The following KDM4C variants were observed in gnomAD, a reference collection of about 807,000 sequenced individuals.
KDM4C encodes the protein lysine demethylase 4C.
In KDM4C, 81 loss-of-function variants were observed where a neutral mutation model predicts 129.3. The ratio of observed to expected loss-of-function variants is 0.63; its 90% CI spans 0.52 to 0.75. The LOEUF is 0.75. KDM4C is among the 30% of genes least tolerant of loss of function. The probability of loss-of-function intolerance (pLI) is 0.00; values close to 1 mark genes in which losing one functional copy is unlikely to be tolerated. For synonymous variants in KDM4C, 573 were observed against 456.1 expected (o/e 1.26, Z -3.26); for missense variants, 1,457 against 1,304.0 (o/e 1.12, Z -1.81).
chr9:7,113,260 C>G (rs1303334000), intron 18 of KDM4C, among the ~76,000 whole-genome samples: 4 of 152,196 alleles, frequency 2.6e-5, no homozygotes, highest in African/African-American at 9.6e-5. Flanking sequence ...TTGTTGAGCT[C>G]TCTCTCCACT....
intron 12 of KDM4C, among the ~76,000 whole-genome samples, chr9:7,000,373 T>C (rs1218221962): frequency 6.6e-6 from 1 of 152,238 alleles, no homozygotes. Flanking sequence ...TTGAAACTTT[T>C]CTAAACAATG....
intron 8 of KDM4C, chr9:6,924,600 T>C (rs978165967): frequency 2.1e-5 from 5 of 239,392 alleles, no homozygotes; most frequent in African/African-American, 1.2e-4. Flanking sequence ...CTGGTTTTTC[T>C]GTACCTTGCC....
At chr9:7,082,896 T>C (rs1587525799) in intron 17 of KDM4C, among the ~76,000 whole-genome samples, 2 of 152,222 alleles carry the variant, frequency 1.3e-5, no homozygotes, top group East Asian at 1.9e-4. Flanking sequence ...TGATAAAATA[T>C]AGTACCAAAC....
chr9:7,019,767 A>AATATTTTTATATATATAAATATT (rs1824424116), intron 15 of KDM4C, among the ~76,000 whole-genome samples: 1 of 122,850 alleles, frequency 8.1e-6, no homozygotes, highest in South Asian at 2.3e-4. Flanking sequence ...ATAAAAATAT[A>AATATTTTTATATATATAAATATT]ATATTTTTAT....
intron 19 of KDM4C, among the ~76,000 whole-genome samples, chr9:7,145,377 G>A (rs1345756537): frequency 6.6e-6 from 1 of 152,182 alleles, no homozygotes; most frequent in East Asian, 1.9e-4. Context: ...ATGGCTGGAA[G>A]TTCTGAGTCG....
intron 9 of KDM4C, among the ~76,000 whole-genome samples, chr9:6,983,348 T>C (rs1817095886): frequency 6.6e-6 from 1 of 152,188 alleles, no homozygotes; most frequent in African/African-American, 2.4e-5. Context: ...AAAGCATATA[T>C]GCCAAAGCTA....
chr9:6,850,801 C>T (rs1029397306), intron 5 of KDM4C, among the ~76,000 whole-genome samples: 4 of 152,132 alleles, frequency 2.6e-5, no homozygotes, highest in Admixed American at 1.3e-4. Flanking sequence ...GTTGCCCAGG[C>T]TGGAGTGCAG....
rs192034301 is a variant in KDM4C, at chr9:6,794,273, C to T, written c.144+1141C>T. ...GCATCTTAGAATGATGAAATAAGGA[C>T]ATTTAAGCACAGATCCAAAGGATAA... On this transcript the variant is annotated intron_variant, in intron 2 of 21. Transcript: ENST00000381309. Among the ~76,000 whole-genome samples, 290 of 152,310 alleles carry T rather than the reference C, an allele frequency of 1.9e-3. 1 individual carries two copies. The highest frequency in any genetic ancestry group is 2.5e-3 in the Non-Finnish European group (168 of 68,028).
At chr9:6,769,897 TA>T (rs1163781718) in intron 1 of KDM4C, among the ~76,000 whole-genome samples, 1 of 152,130 alleles carries the variant, frequency 6.6e-6, no homozygotes. Flanking sequence ...AACCATGTGT[TA>T]CGCCATGCCC....
At chr9:6,752,281 C>T (rs866946077) in intron 1 of KDM4C, among the ~76,000 whole-genome samples, 17 of 116,058 alleles carry the variant, frequency 1.5e-4, no homozygotes, top group South Asian at 3.2e-4. Flanking sequence ...TGCAGTGAGT[C>T]GAGATCGCGC....
chr9:6,800,093 C>T (rs1828649149), intron 2 of KDM4C, among the ~76,000 whole-genome samples: 1 of 152,056 alleles, frequency 6.6e-6, no homozygotes, highest in Admixed American at 6.6e-5. Flanking sequence ...AAAGGCCAGG[C>T]ACAGTGACTC....
intron 20 of KDM4C, among the ~76,000 whole-genome samples, chr9:7,168,975 G>A (rs1844679148): frequency 6.6e-6 from 1 of 150,468 alleles, no homozygotes; most frequent in Admixed American, 6.6e-5. Flanking sequence ...AGCCTGGGAG[G>A]TTGAGGTTGC....
Position 6,736,744 on chromosome 9 carries a change from A to G in KDM4C, c.49+15747A>G, listed in dbSNP as rs552419038. On this transcript the variant is annotated intron_variant, in intron 1 of 17. Coordinates refer to the KDM4C transcript ENST00000536108. ...AACTTCAGCAAAGTTTTAGGATACA[A>G]AATCAGTATACAGAAATCAGTATCC... Among the ~76,000 whole-genome samples the G allele has an allele frequency of 4.6e-4, 70 of 152,280 alleles. 1 individual carries two copies. Among genetic ancestry groups the G allele is most frequent in the African/African-American group, 1.5e-3 (64 of 41,568 alleles).
At chr9:6,819,175 A>T (rs1197811177) in intron 4 of KDM4C, 2 of 152,220 alleles carry the variant, frequency 1.3e-5, no homozygotes, top group Non-Finnish European at 2.9e-5. Context: ...CATTTTCAGA[A>T]AAATTGATAC....
chr9:6,986,893 T>TG, intron 11 of KDM4C: 1 of 440,480 alleles, frequency 2.3e-6, no homozygotes, highest in Non-Finnish European at 4.0e-6. Flanking sequence ...TGTCGATGCT[T>TG]GATTTTCTTT....
chr9:6,744,616 G>C (rs1242747763), intron 1 of KDM4C, among the ~76,000 whole-genome samples: 1 of 152,156 alleles, frequency 6.6e-6, no homozygotes, highest in Non-Finnish European at 1.5e-5. Context: ...GATTGGTCTT[G>C]AATTCCTGGC....
chr9:6,734,904 C>T (rs180771534), intron 1 of KDM4C: 39 of 568,768 alleles, frequency 6.9e-5, no homozygotes, highest in Non-Finnish European at 7.0e-6. Flanking sequence ...AGGTAGTCCC[C>T]AGTCTGTGCT....
At chr9:6,798,062 A>G (rs148747796) in intron 2 of KDM4C, among the ~76,000 whole-genome samples, 30 of 152,304 alleles carry the variant, frequency 2.0e-4, no homozygotes, top group African/African-American at 6.5e-4. Context: ...TATAGTTAAA[A>G]TAAGATTTTT....
chr9:6,887,968 C>A lies in KDM4C; in HGVS notation c.688C>A (p.Pro230Thr). ...RLERLAQGFF[P>T]SSSQGCDAFL... ...TTATTGTTTCTTTTTAGGTTTTTTC[C>A]CAAGCAGCTCCCAAGGGTGTGATGC... Residue 230 changes from proline (P) to threonine (T), a missense_variant, in exon 7 of 22, where the codon CCA becomes ACA. Coordinates refer to ENST00000381309, the MANE Select transcript of KDM4C (RefSeq NM_015061.6). 1 of 1,605,966 alleles carries A rather than the reference C, an allele frequency of 6.2e-7. No homozygotes were observed. The highest frequency in any genetic ancestry group is 8.5e-7 in the Non-Finnish European group (1 of 1,172,860).
Sources: gnomAD v4.1 joint callset for allele counts (sites outside exome capture counted in the v4.1 genomes callset) on GRCh38, gnomAD v4.1.1 for gene constraint, MANE v1.5 for transcripts, NCBI Gene and HGNC (gene_info 2026-07-23, HGNC 2026-07-21) for gene names.